Variants in ADAM2 observed in about 807,000 individuals in gnomAD.
ADAM2 encodes the protein ADAM metallopeptidase domain 2.
In ADAM2, 101 loss-of-function variants were observed where a neutral mutation model predicts 99.3. That is an observed-to-expected ratio of 1.02 (90% confidence interval 0.87 to 1.20). The LOEUF is 1.20. Among genes scored for constraint, ADAM2 ranks in the 50% most tolerant of loss-of-function variants. The pLI is 0.00. For missense variants in ADAM2, 948 were observed against 878.7 expected, an observed-to-expected ratio of 1.08 and a Z score of -1.00; for synonymous variants, 323 against 287.6, an observed-to-expected ratio of 1.12 and a Z score of -1.25.
rs751212901 is a variant in ADAM2, at chr8:39,749,305, T to A, written c.2014+7A>T. 1.7e-5 allele frequency: 27 copies of A among 1,597,492 alleles called. No homozygotes were observed. Among genetic ancestry groups the A allele is most frequent in the Non-Finnish European group, 2.3e-5 (27 of 1,172,858 alleles). On this transcript the variant is annotated splice_region_variant and intron_variant, in intron 18 of 20. Transcript: ENST00000265708. ...TAATTATTTTCTGATTTATTATTAA[T>A]ACTTACCAGGGAGTCTGGCTGGTAT...
Position 39,824,676 on chromosome 8 carries a change from G to C in ADAM2, c.267+143C>G, listed in dbSNP as rs531254800. The stretch of plus-strand genomic sequence containing the variant: ...TTAATAGGGCTAACTCAGTACATCA[G>C]TATACATCATTAACAGGAAAACATT... On this transcript the variant is annotated intron_variant, in intron 4 of 20. Transcript: ENST00000265708. 7.8e-5 allele frequency: 50 copies of C among 639,906 alleles called. No individual in the cohort carries two copies. The South Asian group carries it at 9.3e-4, about 12-fold the overall frequency. The allele number at this position is 639,906 out of a possible 1,614,324, so 39.6% of individuals were successfully genotyped here. A position where few individuals can be genotyped will look rare whatever the true frequency, so the allele number is the denominator to read the frequency against.
intron 6 of ADAM2, among the ~76,000 whole-genome samples, chr8:39,812,924 C>T (rs62511204): frequency 0.1 from 15,329 of 152,122 alleles, 830 homozygotes; most frequent in African/African-American, 0.13. Context: ...CAAATGGGAC[C>T]TAATTAAACT....
chr8:39,823,329 GATAA>G (rs1805275384), intron 4 of ADAM2, among the ~76,000 whole-genome samples: 1 of 152,080 alleles, frequency 6.6e-6, no homozygotes, highest in East Asian at 1.9e-4. Context: ...GTGGACTTAA[GATAA>G]ATAAATAATC....
intron 7 of ADAM2, among the ~76,000 whole-genome samples, chr8:39,806,298 C>G (rs1018599996): frequency 4.6e-5 from 7 of 151,704 alleles, no homozygotes; most frequent in African/African-American, 1.7e-4. Flanking sequence ...TGATGACACA[C>G]TGCTAGAGAG....
chr8:39,769,717 G>T, intron 11 of ADAM2, 142 bp from the exon 12 acceptor site: 1 of 594,406 alleles, frequency 1.7e-6, no homozygotes, highest in South Asian at 2.2e-5. Flanking sequence ...TCTGTGCATG[G>T]GAAGTCAACT....
intron 10 of ADAM2, among the ~76,000 whole-genome samples, chr8:39,786,616 G>C (rs1168516374): frequency 1.3e-5 from 2 of 151,754 alleles, no homozygotes; most frequent in Non-Finnish European, 2.9e-5. Context: ...ATTTTAATCT[G>C]GTTAATAATT....
chr8:39,777,306 T>A (rs1259801518), intron 10 of ADAM2, 145 bp from the exon 11 acceptor site: 1 of 534,740 alleles, frequency 1.9e-6, no homozygotes, highest in African/African-American at 2.0e-5. Context: ...TAACTCATTA[T>A]AAATGTAAGA....
chr8:39,759,526 G>A (rs912662804), intron 15 of ADAM2, among the ~76,000 whole-genome samples: 1 of 152,128 alleles, frequency 6.6e-6, no homozygotes, highest in Non-Finnish European at 1.5e-5. Flanking sequence ...ATGTTTGATA[G>A]CTACAATAAG....
chr8:39,836,592 C>G (rs1165033951), intron 2 of ADAM2, among the ~76,000 whole-genome samples: 2 of 151,178 alleles, frequency 1.3e-5, no homozygotes, highest in Admixed American at 1.3e-4. Flanking sequence ...GAAATGGATT[C>G]TAGAACTTAG....
intron 7 of ADAM2, among the ~76,000 whole-genome samples, chr8:39,795,306 T>TG (rs1367280207): frequency 2.6e-5 from 4 of 151,808 alleles, no homozygotes; most frequent in Non-Finnish European, 5.9e-5. Context: ...GGAAGAGGGG[T>TG]GGGGGTCAGA....
At chr8:39,821,544 T>G (rs763387596) in intron 5 of ADAM2, 42 bp downstream of exon 5, 1 of 1,364,004 alleles carries the variant, frequency 7.3e-7, no homozygotes, top group Admixed American at 1.8e-5. Flanking sequence ...AATTTTGAAG[T>G]AAATATTTTA....
rs113710778 is a variant in ADAM2, at chr8:39,778,989, G to A, written c.892-1828C>T. Among the ~76,000 whole-genome samples, 544 of 151,608 alleles carry A rather than the reference G, an allele frequency of 3.6e-3. 5 individuals carry two copies. Among genetic ancestry groups the A allele is most frequent in the African/African-American group, 0.012 (513 of 41,340 alleles). ...ACAAGATCCAGTGATTTCACTTTAG[G>A]CATTTGTATAAAAGCAGGGTTTTTT... On this transcript the variant is annotated intron_variant, in intron 10 of 20. Transcript: ENST00000265708.
At chr8:39,828,540 G>C (rs1036152267) in intron 3 of ADAM2, among the ~76,000 whole-genome samples, 14 of 151,672 alleles carry the variant, frequency 9.2e-5, no homozygotes, top group African/African-American at 3.4e-4. Flanking sequence ...AGATAAAACA[G>C]AAAAAATAAT....
intron 1 of ADAM2, among the ~76,000 whole-genome samples, chr8:39,837,776 C>T (rs747141073): frequency 5.3e-5 from 8 of 152,064 alleles, no homozygotes; most frequent in Admixed American, 4.6e-4. Flanking sequence ...GTTCAAGCCC[C>T]TCAGGACAAA....
intron 7 of ADAM2, among the ~76,000 whole-genome samples, chr8:39,808,961 C>A (rs1447665904): frequency 6.6e-6 from 1 of 152,014 alleles, no homozygotes; most frequent in Non-Finnish European, 1.5e-5. Context: ...ACATATTGAT[C>A]ACTTATTTTA....
intron 1 of ADAM2, 117 bp downstream of exon 1, chr8:39,838,014 G>T: frequency 2.7e-6 from 3 of 1,119,494 alleles, no homozygotes; most frequent in Non-Finnish European, 4.0e-6. Flanking sequence ...GCTTGGAATT[G>T]CTGAGTTGGA....
At chr8:39,749,796 A>AT (rs1823648007) in intron 16 of ADAM2, 52 bp from the exon 17 acceptor site, 1 of 1,442,726 alleles carries the variant, frequency 6.9e-7, no homozygotes, top group Admixed American at 1.7e-5. Context: ...TAGAGTTGCC[A>AT]TTTAATTAAA....
chr8:39,783,172 A>G (rs1431997471), intron 10 of ADAM2, among the ~76,000 whole-genome samples: 3 of 152,188 alleles, frequency 2.0e-5, no homozygotes, highest in Non-Finnish European at 2.9e-5. Flanking sequence ...TAAATCCACA[A>G]TGCTCAGACA....
intron 6 of ADAM2, among the ~76,000 whole-genome samples, chr8:39,810,358 A>C (rs960807842): frequency 7.9e-5 from 12 of 152,206 alleles, no homozygotes; most frequent in African/African-American, 2.7e-4. Flanking sequence ...CCCCACTGTC[A>C]ACATTAGACA....
Sources: allele counts gnomAD v4.1 joint callset (sites outside exome capture counted in the v4.1 genomes callset), GRCh38; gene constraint gnomAD v4.1.1; transcripts MANE v1.5; gene names NCBI Gene and HGNC (gene_info 2026-07-23, HGNC 2026-07-21).